Variants in BCOR observed in about 807,000 individuals in gnomAD.
BCOR encodes BCL-6 corepressor.
BCOR carries 10 observed loss-of-function variants against 86.7 expected under a neutral mutation model. The observed-to-expected ratio is 0.12, with a 90% CI of 0.07 to 0.20. The LOEUF (loss-of-function observed/expected upper bound fraction) is 0.20. BCOR is among the 10% of genes least tolerant of loss of function. BCOR has a pLI of 1.00. For synonymous variants in BCOR, 611 were observed against 609.0 expected (o/e 1.00, Z -0.05); for missense variants, 1,259 against 1,452.1 (o/e 0.87, Z 2.16).
intron 1 of BCOR, among the ~76,000 whole-genome samples, chrX:40,154,690 TTGTGTC>T (rs1238599195): frequency 1.8e-5 from 2 of 111,013 alleles, no homozygotes; most frequent in African/African-American, 3.3e-5. Context: ...GTGCTGTTCC[TTGTGTC>T]TGTGTCTGTG....
chrX:40,145,092 G>A (rs1437206173), intron 1 of BCOR, among the ~76,000 whole-genome samples: 3 of 108,275 alleles, frequency 2.8e-5, no homozygotes, highest in Non-Finnish European at 5.7e-5. Flanking sequence ...AGCGAGAAGG[G>A]CGCAACACAA....
intron 1 of BCOR, among the ~76,000 whole-genome samples, chrX:40,109,775 G>T (rs1937267467): frequency 8.8e-6 from 1 of 113,100 alleles, no homozygotes; most frequent in Non-Finnish European, 1.9e-5. Flanking sequence ...GAATCCCGCT[G>T]CGGGAGCCCG....
intron 1 of BCOR, among the ~76,000 whole-genome samples, chrX:40,095,283 A>G (rs756822322): frequency 8.9e-6 from 1 of 112,083 alleles, no homozygotes; most frequent in African/African-American, 3.2e-5. Context: ...CTAAGTGTCC[A>G]CGTACAGGAA....
intron 1 of BCOR, among the ~76,000 whole-genome samples, chrX:40,143,036 G>A (rs975103345): frequency 1.8e-5 from 2 of 112,377 alleles, no homozygotes; most frequent in Non-Finnish European, 3.8e-5. Context: ...TCCCCTGGCT[G>A]GTAAATGACG....
At position 40,172,791 on chromosome X, in the gene BCOR, G is replaced by A. The variant is rs183653122; in HGVS notation, c.-41+4216C>T. The stretch of plus-strand genomic sequence containing the variant: ...AGCCCGGGGGCGCGTCGGGAGCCAG[G>A]GGACTGGTGTGAACTAGCCGCCCCC... On this transcript the variant is annotated intron_variant, in intron 1 of 14. Transcript: ENST00000342274. 6.5e-4 allele frequency among the ~76,000 whole-genome samples: 73 copies of A among 113,053 alleles called. No individual in the cohort carries two copies. In the East Asian group the frequency reaches 0.018, roughly 29 times the overall value.
rs752397238 is a variant in BCOR at position 40,123,645 on chromosome X, G to A, written c.-40-45676C>T. ...TGGGATTACAGGTGTGAGCCACCGCGCCCGGCCTTCTTTTTTTCTTCCACA... is the reference window on the plus strand; with the variant it reads ...TGGGATTACAGGTGTGAGCCACCGCACCCGGCCTTCTTTTTTTCTTCCACA... On this transcript the variant is annotated intron_variant, in intron 1 of 14. Transcript: ENST00000342274. 9.9e-5 allele frequency among the ~76,000 whole-genome samples: 11 copies of A among 110,948 alleles called. No individual in the cohort carries two copies. The South Asian group carries it at 4.2e-3, about 42-fold the overall frequency.
At chrX:40,057,514 G>C (rs1934659250) in intron 10 of BCOR, among the ~76,000 whole-genome samples, 193 bp from the exon 11 acceptor site, 2 of 111,883 alleles carry the variant, frequency 1.8e-5, no homozygotes, top group African/African-American at 3.3e-5. Context: ...CATCATTTAG[G>C]GGTCTGCTGC....
chrX:40,115,902 G>A (rs1853541771), intron 1 of BCOR, among the ~76,000 whole-genome samples: 1 of 111,667 alleles, frequency 9.0e-6, no homozygotes, highest in South Asian at 3.8e-4. Context: ...AATGTCTGGC[G>A]AGATTATAAG....
chrX:40,115,573 C>G (rs746633808), intron 1 of BCOR, among the ~76,000 whole-genome samples: 1 of 109,545 alleles, frequency 9.1e-6, no homozygotes, highest in South Asian at 4.1e-4. Context: ...GTCAGGAGTT[C>G]AAGACCAGCC....
chrX:40,107,816 CCCTCTCCCGGG>C (rs1404033918), intron 1 of BCOR, among the ~76,000 whole-genome samples: 1 of 113,456 alleles, frequency 8.8e-6, no homozygotes, highest in Non-Finnish European at 1.9e-5. Flanking sequence ...CTCCTCCCGC[CCCTCTCCCGGG>C]CCTGCGAGAT....
intron 1 of BCOR, among the ~76,000 whole-genome samples, chrX:40,136,470 A>G (rs1012864558): frequency 1.8e-5 from 2 of 112,331 alleles, no homozygotes; most frequent in African/African-American, 3.2e-5. Flanking sequence ...TGCTGTAGAT[A>G]GAAATAACTA....
chrX:40,085,798 G>A (rs936882319), intron 1 of BCOR, among the ~76,000 whole-genome samples: 6 of 111,753 alleles, frequency 5.4e-5, no homozygotes, highest in Non-Finnish European at 1.1e-4. Flanking sequence ...TCCAGAGGCA[G>A]GTCCACATTC....
At chrX:40,080,574 G>C (rs1936036536) in intron 1 of BCOR, among the ~76,000 whole-genome samples, 1 of 111,705 alleles carries the variant, frequency 9.0e-6, no homozygotes, top group Admixed American at 9.5e-5. Context: ...GCCAGCAGCT[G>C]CTTCCCTTCA....
intron 12 of BCOR, among the ~76,000 whole-genome samples, chrX:40,054,674 T>C (rs1934502298): frequency 8.9e-6 from 1 of 111,790 alleles, no homozygotes; most frequent in African/African-American, 3.3e-5. Flanking sequence ...AGCTAATTTT[T>C]GTATTTTTAG....
intron 1 of BCOR, among the ~76,000 whole-genome samples, chrX:40,169,900 A>C (rs1370459181): frequency 8.9e-6 from 1 of 111,893 alleles, no homozygotes; most frequent in East Asian, 2.8e-4. Context: ...CCCCAAGGCC[A>C]GGGAAGGGAG....
intron 1 of BCOR, among the ~76,000 whole-genome samples, chrX:40,112,165 AC>A (rs1405459903): frequency 2.7e-5 from 3 of 111,193 alleles, no homozygotes; most frequent in Non-Finnish European, 5.7e-5. Context: ...CTAGCTGAGA[AC>A]CGCTTTCAAT....
At chrX:40,070,012 G>A (rs927986332) in intron 6 of BCOR, among the ~76,000 whole-genome samples, 1 of 111,656 alleles carries the variant, frequency 9.0e-6, no homozygotes, top group Non-Finnish European at 1.9e-5. Flanking sequence ...TGTGCGCTCC[G>A]AGTATCAAGA....
chrX:40,091,896 G>C (rs1936632165), intron 1 of BCOR, among the ~76,000 whole-genome samples: 1 of 108,125 alleles, frequency 9.2e-6, no homozygotes, highest in African/African-American at 3.8e-5. Context: ...AGCTTTGGGC[G>C]AGGCCCCCAC....
At position 40,170,395 on chromosome X, in the gene BCOR, G is replaced by T. The variant is rs1938595692; in HGVS notation, c.-41+6612C>A. ...AGACGGAGTTTCGCTCTTTTGCCCA[G>T]GCTGGAGTGAAGTGGCACGATCTCG... On this transcript the variant is annotated intron_variant, in intron 1 of 14. Transcript: ENST00000342274. 2.8e-5 allele frequency among the ~76,000 whole-genome samples: 3 copies of T among 108,592 alleles called. No homozygotes were observed. The Admixed American group carries it at 2.9e-4, about 11-fold the overall frequency. 94.3% of individuals were successfully genotyped at this position (108,592 alleles called of 115,157 possible).
Sources: gnomAD v4.1 joint callset for allele counts (sites outside exome capture counted in the v4.1 genomes callset) on GRCh38, gnomAD v4.1.1 for gene constraint, MANE v1.5 for transcripts, NCBI Gene and HGNC (gene_info 2026-07-23, HGNC 2026-07-21) for gene names.